Variants in STS observed in about 807,000 individuals in gnomAD.
STS encodes the protein steryl-sulfatase.
STS carries 7 observed loss-of-function variants against 26.8 expected under a neutral mutation model. That is an observed-to-expected ratio of 0.26 (90% CI 0.15 to 0.49). The LOEUF (loss-of-function observed/expected upper bound fraction) is 0.49. Among genes scored for constraint, STS ranks in the 20% least tolerant of loss-of-function variants. The probability of loss-of-function intolerance (pLI) is 0.98; values close to 1 mark genes in which losing one functional copy is unlikely to be tolerated. For missense variants in STS, 434 were observed against 465.6 expected, an observed-to-expected ratio of 0.93 and a Z score of 0.63; for synonymous variants, 199 against 189.4, an observed-to-expected ratio of 1.05 and a Z score of -0.42.
At chrX:7,258,480 T>C (rs1448836002) in intron 5 of STS, among the ~76,000 whole-genome samples, 2 of 111,767 alleles carry the variant, frequency 1.8e-5, no homozygotes, top group East Asian at 5.6e-4. Flanking sequence ...CATTTTACTT[T>C]CCAATATAAA....
At chrX:7,303,359 A>G (rs1281820718) in intron 7 of STS, among the ~76,000 whole-genome samples, 1 of 111,221 alleles carries the variant, frequency 9.0e-6, no homozygotes, top group Non-Finnish European at 1.9e-5. Context: ...CTAATACAGC[A>G]GGTTACTAAA....
intron 7 of STS, among the ~76,000 whole-genome samples, chrX:7,289,071 G>T (rs1241103630): frequency 8.9e-6 from 1 of 111,784 alleles, no homozygotes; most frequent in Non-Finnish European, 1.9e-5. Context: ...GGTGGTCGTG[G>T]CATCCACCAG....
rs1933235178 is a variant in STS, at chrX:7,161,132, T to C, written c.-134+13049T>C. Among the ~76,000 whole-genome samples the C allele has an allele frequency of 3.7e-5, 4 of 108,891 alleles. No homozygotes were observed. The South Asian group carries it at 1.6e-3, about 44-fold the overall frequency. The allele number at this position is 108,891 out of a possible 115,157, so 94.6% of individuals were successfully genotyped here. A position where few individuals can be genotyped will look rare whatever the true frequency, so the allele number is the denominator to read the frequency against. ...CACTATGCCTGGCTAATTTTTTTTT[T>C]TTTTTTGTATTTTTAGTAGAGATGG... On this transcript the variant is annotated intron_variant, in intron 1 of 10. Transcript: ENST00000674429.
intron 8 of STS, among the ~76,000 whole-genome samples, chrX:7,306,679 A>G (rs1276825071): frequency 1.8e-5 from 2 of 111,718 alleles, no homozygotes; most frequent in Non-Finnish European, 3.8e-5. Context: ...AAGGGGAAAG[A>G]GAGCCTCACT....
intron 1 of STS, among the ~76,000 whole-genome samples, chrX:7,150,271 G>A (rs1279995605): frequency 9.0e-6 from 1 of 111,258 alleles, no homozygotes; most frequent in Non-Finnish European, 1.9e-5. Flanking sequence ...ACCCAGGCTG[G>A]AGCACGGTGG....
intron 5 of STS, among the ~76,000 whole-genome samples, chrX:7,258,684 T>C (rs1923568519): frequency 9.0e-6 from 1 of 111,526 alleles, no homozygotes. Flanking sequence ...TTTTCTTTTG[T>C]GAGGCACTCA....
At chrX:7,165,663 A>G (rs1057306101) in intron 1 of STS, among the ~76,000 whole-genome samples, 13 of 111,198 alleles carry the variant, frequency 1.2e-4, no homozygotes, top group Non-Finnish European at 2.3e-4. Context: ...AAATAATAAT[A>G]AAATAAAAAT....
chrX:7,321,051 A>C (rs1927003490), intron 8 of STS, among the ~76,000 whole-genome samples: 1 of 111,937 alleles, frequency 8.9e-6, no homozygotes, highest in South Asian at 3.7e-4. Flanking sequence ...GACTAGATAA[A>C]GAAAATGTGG....
chrX:7,197,059 C>T (rs1933983494), intron 2 of STS, among the ~76,000 whole-genome samples: 1 of 110,838 alleles, frequency 9.0e-6, no homozygotes, highest in South Asian at 3.9e-4. Flanking sequence ...TTTACCCCAT[C>T]AGGCAACTTG....
At chrX:7,326,077 G>A (rs1043940953) in intron 9 of STS, among the ~76,000 whole-genome samples, 14 of 111,413 alleles carry the variant, frequency 1.3e-4, no homozygotes, top group Non-Finnish European at 2.6e-4. Flanking sequence ...GGGGAAGAGG[G>A]ATTCTAGTTT....
rs763914162 is a variant in STS at position 7,180,624 on chromosome X, C to T, written c.-133-10256C>T. Among the ~76,000 whole-genome samples, 4 of 111,526 alleles carry T rather than the reference C, an allele frequency of 3.6e-5. 1 individual carries two copies. In the South Asian group the frequency reaches 1.1e-3, roughly 32 times the overall value. On this transcript the variant is annotated intron_variant, in intron 1 of 10. Transcript: ENST00000674429. Reference sequence around the variant, plus strand: ...CTTGACTCTCACATTCTCCAAAGCTCGCAGGCAAAAATTGGACATTGATGT... The same window carrying T: ...CTTGACTCTCACATTCTCCAAAGCTTGCAGGCAAAAATTGGACATTGATGT...
At chrX:7,201,812 T>C (rs1302287474) in intron 2 of STS, among the ~76,000 whole-genome samples, 11 of 110,943 alleles carry the variant, frequency 9.9e-5, no homozygotes, top group Non-Finnish European at 2.1e-4. Context: ...AGAGAAGCCT[T>C]TAGAGAGTCC....
At chrX:7,238,258 C>T (rs1922426304) in intron 2 of STS, among the ~76,000 whole-genome samples, 1 of 109,642 alleles carries the variant, frequency 9.1e-6, no homozygotes, top group African/African-American at 3.3e-5. Flanking sequence ...CGTTGATGGA[C>T]ATTTACATTG....
intron 1 of STS, among the ~76,000 whole-genome samples, chrX:7,153,848 T>A (rs1933078786): frequency 9.7e-6 from 1 of 103,210 alleles, no homozygotes; most frequent in African/African-American, 3.6e-5. Context: ...CCTTTCCTCC[T>A]TCTCTCTTTT....
At chrX:7,209,820 C>T (rs1365494197) in intron 2 of STS, among the ~76,000 whole-genome samples, 1 of 109,868 alleles carries the variant, frequency 9.1e-6, no homozygotes, top group Non-Finnish European at 1.9e-5. Flanking sequence ...GTTCCCCTCT[C>T]TGTGTCCATG....
chrX:7,275,701 G>T (rs955650649), intron 6 of STS, among the ~76,000 whole-genome samples: 1 of 110,921 alleles, frequency 9.0e-6, no homozygotes, highest in South Asian at 3.8e-4. Context: ...GTCTTTGGGG[G>T]ATGTCTCAAT....
At chrX:7,149,169 G>A (rs892707129) in intron 1 of STS, among the ~76,000 whole-genome samples, 2 of 110,432 alleles carry the variant, frequency 1.8e-5, no homozygotes, top group Non-Finnish European at 3.8e-5. Flanking sequence ...GGGAGTTGGG[G>A]GAATAGTTTG....
chrX:7,204,832 C>G (rs1167159128), intron 2 of STS, among the ~76,000 whole-genome samples: 4 of 104,639 alleles, frequency 3.8e-5, no homozygotes, highest in African/African-American at 7.0e-5. Context: ...CCCTTCTTCC[C>G]TCCTCCCCTC....
chrX:7,208,984 G>C (rs1230886427), intron 2 of STS, among the ~76,000 whole-genome samples: 3 of 111,548 alleles, frequency 2.7e-5, no homozygotes, highest in Admixed American at 1.9e-4. Flanking sequence ...CCTTCTTAGA[G>C]GGGCCTTTGT....
Sources: gnomAD v4.1 joint callset for allele counts (sites outside exome capture counted in the v4.1 genomes callset) on GRCh38, gnomAD v4.1.1 for gene constraint, MANE v1.5 for transcripts, NCBI Gene and HGNC (gene_info 2026-07-23, HGNC 2026-07-21) for gene names.